GSTCD: variants seen among roughly 807,000 people sequenced by gnomAD.
The protein encoded by GSTCD is glutathione S-transferase C-terminal domain containing.
GSTCD carries 44 observed loss-of-function variants against 68.3 expected under a neutral mutation model. The observed-to-expected ratio is 0.64, with a 90% confidence interval of 0.51 to 0.83. The LOEUF (loss-of-function observed/expected upper bound fraction) is 0.83, where lower values mean the gene tolerates loss of function less well. Ranked by LOEUF, GSTCD falls within the 40% of genes least tolerant of loss-of-function variation. The pLI, the probability that GSTCD is intolerant of heterozygous loss-of-function variation, is 0.00. For missense variants in GSTCD, 739 were observed against 735.9 expected, an observed-to-expected ratio of 1.00 and a Z score of -0.05; for synonymous variants, 273 against 255.2, an observed-to-expected ratio of 1.07 and a Z score of -0.67.
intron 5 of GSTCD, among the ~76,000 whole-genome samples, chr4:105,749,947 GAT>G (rs1309081699): frequency 6.6e-6 from 1 of 152,078 alleles, no homozygotes; most frequent in Non-Finnish European, 1.5e-5. Context: ...CTTGGATCAA[GAT>G]ATATAAAGAG....
intron 5 of GSTCD, among the ~76,000 whole-genome samples, chr4:105,766,048 A>C (rs1180143175): frequency 6.6e-6 from 1 of 152,252 alleles, no homozygotes; most frequent in African/African-American, 2.4e-5. Flanking sequence ...TCTAGCATTC[A>C]GGGTCCTTTC....
At chr4:105,837,381 G>A (rs1724166549) in intron 9 of GSTCD, among the ~76,000 whole-genome samples, 1 of 152,122 alleles carries the variant, frequency 6.6e-6, no homozygotes, top group Non-Finnish European at 1.5e-5. Context: ...CCACTCCCAA[G>A]CCTGCTTACC....
intron 3 of GSTCD, among the ~76,000 whole-genome samples, chr4:105,720,069 TTCTC>T (rs1180630179): frequency 6.6e-6 from 1 of 152,226 alleles, no homozygotes; most frequent in East Asian, 1.9e-4. Context: ...CTTTTCTCTG[TTCTC>T]TCTGAGAGTA....
At chr4:105,780,324 G>A (rs1180246277) in intron 5 of GSTCD, among the ~76,000 whole-genome samples, 1 of 152,220 alleles carries the variant, frequency 6.6e-6, no homozygotes, top group Non-Finnish European at 1.5e-5. Context: ...CGCCTGCCTT[G>A]TTCATTGGCT....
intron 10 of GSTCD, among the ~76,000 whole-genome samples, chr4:105,838,598 AAGAC>A (rs1724213884): frequency 3.3e-5 from 5 of 152,222 alleles, no homozygotes; most frequent in Admixed American, 6.5e-5. Context: ...GTCTGGAACA[AAGAC>A]AGTCAGTGTC....
intron 5 of GSTCD, among the ~76,000 whole-genome samples, chr4:105,758,953 C>T (rs927431502): frequency 5.3e-5 from 8 of 152,140 alleles, no homozygotes; most frequent in Admixed American, 5.2e-4. Context: ...TAATATCTGA[C>T]ATCATTTTTT....
intron 5 of GSTCD, among the ~76,000 whole-genome samples, chr4:105,789,567 C>A (rs966558003): frequency 2.0e-5 from 3 of 152,058 alleles, no homozygotes; most frequent in Non-Finnish European, 4.4e-5. Context: ...CTCTGTAGGG[C>A]AGCTGAGAGC....
intron 10 of GSTCD, among the ~76,000 whole-genome samples, chr4:105,841,510 G>A (rs557621775): frequency 2.4e-4 from 36 of 152,012 alleles, no homozygotes; most frequent in Admixed American, 2.0e-3. Flanking sequence ...AAATGACCCC[G>A]AGGATTTTCT....
intron 5 of GSTCD, among the ~76,000 whole-genome samples, chr4:105,758,842 G>A (rs996292128): frequency 6.6e-6 from 1 of 151,886 alleles, no homozygotes. Flanking sequence ...ACATTAATTC[G>A]TTCAATTTTT....
intron 3 of GSTCD, among the ~76,000 whole-genome samples, chr4:105,725,194 T>C (rs1005074771): frequency 6.6e-6 from 1 of 152,146 alleles, no homozygotes; most frequent in Admixed American, 6.5e-5. Context: ...CTTTTTCTAT[T>C]GATGGTTGTT....
At chr4:105,816,914 T>C (rs1560843901) in intron 5 of GSTCD, among the ~76,000 whole-genome samples, 2 of 152,006 alleles carry the variant, frequency 1.3e-5, no homozygotes, top group South Asian at 4.1e-4. Flanking sequence ...ATAAGAAAAA[T>C]GTCATCTACC....
intron 1 of GSTCD, among the ~76,000 whole-genome samples, chr4:105,716,050 A>G (rs1170997954): frequency 6.6e-6 from 1 of 152,208 alleles, no homozygotes; most frequent in South Asian, 2.1e-4. Flanking sequence ...ACCTTTAACC[A>G]GTATGTATAT....
At chr4:105,775,232 T>G (rs188036525) in intron 5 of GSTCD, among the ~76,000 whole-genome samples, 13 of 152,308 alleles carry the variant, frequency 8.5e-5, no homozygotes, top group Admixed American at 6.5e-4. Context: ...TCTAAACTGG[T>G]TATTCTATTA....
At chr4:105,797,027 T>C (rs183220698) in intron 5 of GSTCD, among the ~76,000 whole-genome samples, 6 of 149,382 alleles carry the variant, frequency 4.0e-5, no homozygotes, top group African/African-American at 5.1e-5. Context: ...GAAGAGGAAA[T>C]GATAAGAGAC....
chr4:105,745,732 G>A (rs1358224755), intron 5 of GSTCD, among the ~76,000 whole-genome samples: 1 of 152,156 alleles, frequency 6.6e-6, no homozygotes, highest in Non-Finnish European at 1.5e-5. Context: ...CTATAGTAGA[G>A]GTTGCTACTA....
At chr4:105,779,039 A>G (rs942269219) in intron 5 of GSTCD, among the ~76,000 whole-genome samples, 9 of 152,208 alleles carry the variant, frequency 5.9e-5, no homozygotes, top group Non-Finnish European at 1.0e-4. Flanking sequence ...ATAACCAAAA[A>G]ACAATTATCA....
At chr4:105,825,046 T>C (rs1429995980) in intron 7 of GSTCD, among the ~76,000 whole-genome samples, 1 of 152,116 alleles carries the variant, frequency 6.6e-6, no homozygotes, top group South Asian at 2.1e-4. Flanking sequence ...TCACACTGTA[T>C]TATTATTATT....
Position 105,762,075 on chromosome 4 carries a change from C to T in GSTCD, c.1240+32576C>T, listed in dbSNP as rs149190954. ...AATTGGAAGTGTGTGAATCCTCAGT[C>T]CCTCAGGCCAGATTTCAAGTGTTTT... On this transcript the variant is annotated intron_variant, in intron 5 of 11. Coordinates refer to ENST00000515279, the MANE Select transcript of GSTCD (RefSeq NM_001370181.1). 2.1e-3 allele frequency among the ~76,000 whole-genome samples: 317 copies of T among 152,264 alleles called. 1 individual carries two copies. The highest frequency in any genetic ancestry group is 3.7e-3 in the Non-Finnish European group (250 of 68,026).
At chr4:105,737,210 T>C (rs1466303503) in intron 5 of GSTCD, among the ~76,000 whole-genome samples, 1 of 152,186 alleles carries the variant, frequency 6.6e-6, no homozygotes, top group Non-Finnish European at 1.5e-5. Context: ...CTACCAACAG[T>C]ATATAAGTTT....
Sources: allele counts gnomAD v4.1 joint callset (sites outside exome capture counted in the v4.1 genomes callset), GRCh38; gene constraint gnomAD v4.1.1; transcripts MANE v1.5; gene names NCBI Gene and HGNC (gene_info 2026-07-23, HGNC 2026-07-21).